Variants in TACC1 observed in about 807,000 individuals in gnomAD.
TACC1 encodes transforming acidic coiled-coil containing protein 1.
TACC1 carries 48 observed loss-of-function variants against 84.4 expected under a neutral mutation model. The ratio of observed to expected loss-of-function variants is 0.57; its 90% CI spans 0.45 to 0.72. TACC1 has a LOEUF of 0.72. TACC1 is among the 30% of genes least tolerant of loss of function. The probability of loss-of-function intolerance (pLI) is 0.00; values close to 1 mark genes in which losing one functional copy is unlikely to be tolerated. For synonymous variants in TACC1, 372 were observed against 376.3 expected, an observed-to-expected ratio of 0.99 and a Z score of 0.13; for missense variants, 920 against 973.0, an observed-to-expected ratio of 0.95 and a Z score of 0.72.
At chr8:38,810,876 G>A (rs62506670) in intron 2 of TACC1, among the ~76,000 whole-genome samples, 43,867 of 151,974 alleles carry the variant, frequency 0.29, 7,116 homozygotes, top group Non-Finnish European at 0.37. Flanking sequence ...TATCCCTCTG[G>A]GAGACTGAAG....
Position 38,819,939 on chromosome 8 carries a change from A to G in TACC1, c.695A>G (p.Lys232Arg), listed in dbSNP as rs1208002144. 1.2e-6 allele frequency: 2 copies of G among 1,614,212 alleles called. No homozygotes were observed. The highest frequency in any genetic ancestry group is 3.3e-5 in the Admixed American group (2 of 60,026). The part of the protein sequence containing the change: ...LVPSRRSKLR[K>R]PKPVPLRKKA... ...CCCAGCAGAAGAAGCAAGCTGAGAA[A>G]GCCCAAGCCTGTCCCCCTGAGGAAG... is the stretch of plus-strand genomic sequence containing the variant. Residue 232 changes from lysine to arginine, a missense_variant, in exon 3 of 13, where the codon AAG (lysine) becomes AGG (arginine). Coordinates refer to ENST00000317827, the MANE Select transcript of TACC1 (RefSeq NM_006283.3).
chr8:38,810,224 A>G (rs1286914167), intron 2 of TACC1, among the ~76,000 whole-genome samples: 1 of 152,078 alleles, frequency 6.6e-6, no homozygotes, highest in Non-Finnish European at 1.5e-5. Flanking sequence ...TATCAATAAT[A>G]TTACTCTTTT....
chr8:38,842,035 C>T (rs1273659141), intron 9 of TACC1, among the ~76,000 whole-genome samples: 17 of 152,118 alleles, frequency 1.1e-4, no homozygotes, highest in Non-Finnish European at 2.9e-5. Context: ...GGTCTATGCT[C>T]AGATCTCTCC....
chr8:38,775,599 G>A (rs1439444793), intron 3 of TACC1, among the ~76,000 whole-genome samples: 1 of 152,052 alleles, frequency 6.6e-6, no homozygotes, highest in Non-Finnish European at 1.5e-5. Flanking sequence ...TTTTATAAGG[G>A]CGCTGACCCC....
At chr8:38,842,475 G>GGTGTATTTCCAGTA in intron 10 of TACC1, 28 bp downstream of exon 10, 3 of 1,585,834 alleles carry the variant, frequency 1.9e-6, no homozygotes, top group South Asian at 2.3e-5. Flanking sequence ...TCTGTCTCCT[G>GGTGTATTTCCAGTA]GTGTATTTCC....
chr8:38,767,146 T>C (rs1388690438), intron 3 of TACC1, among the ~76,000 whole-genome samples: 2 of 152,264 alleles, frequency 1.3e-5, no homozygotes, highest in Non-Finnish European at 1.5e-5. Context: ...GTTATGTTTC[T>C]ATGGCTACAT....
At chr8:38,783,114 A>C (rs71517734), upstream of TACC1, among the ~76,000 whole-genome samples, 5,579 of 136,818 alleles carry the variant, frequency 0.041, 132 homozygotes, top group African/African-American at 0.068. Context: ...ATCTATATAT[A>C]TATATATATA....
chr8:38,788,470 A>G (rs1817848859), intron 1 of TACC1: 1 of 430,404 alleles, frequency 2.3e-6, no homozygotes, highest in African/African-American at 2.0e-5. Flanking sequence ...TGCTGGAGAA[A>G]AGCTCCAGGG....
intron 4 of TACC1, among the ~76,000 whole-genome samples, chr8:38,826,405 G>A (rs1828056640): frequency 6.6e-6 from 1 of 152,152 alleles, no homozygotes; most frequent in African/African-American, 2.4e-5. Flanking sequence ...AAAACATTTT[G>A]TAATTGATAT....
At chr8:38,729,525 A>G (rs7463038) in intron 1 of TACC1, among the ~76,000 whole-genome samples, 15,896 of 152,242 alleles carry the variant, frequency 0.1, 874 homozygotes, top group South Asian at 0.14. Context: ...CTGGGTTCAC[A>G]TTTATTGTAT....
intron 2 of TACC1, among the ~76,000 whole-genome samples, chr8:38,742,970 C>T (rs1017365195): frequency 3.9e-5 from 6 of 152,202 alleles, no homozygotes; most frequent in South Asian, 2.1e-4. Context: ...CTGTCTTGAC[C>T]TCCCAAAGTG....
chr8:38,765,852 T>A (rs10104946), intron 3 of TACC1, among the ~76,000 whole-genome samples: 5,302 of 152,124 alleles, frequency 0.035, 320 homozygotes, highest in African/African-American at 0.12. Context: ...AAATAGGACA[T>A]CTATAACTGA....
chr8:38,806,701 G>T (rs1822829438), intron 2 of TACC1, among the ~76,000 whole-genome samples: 1 of 152,138 alleles, frequency 6.6e-6, no homozygotes, highest in South Asian at 2.1e-4. Flanking sequence ...AGTAGACTGT[G>T]TTCATGTATC....
At chr8:38,751,289 A>G (rs1467733957) in intron 3 of TACC1, among the ~76,000 whole-genome samples, 1 of 152,230 alleles carries the variant, frequency 6.6e-6, no homozygotes, top group East Asian at 1.9e-4. Flanking sequence ...AAAACTGAGT[A>G]TCTTCATCTT....
rs1266411021 is a variant in TACC1, at chr8:38,819,953, C to T, written c.709C>T (p.Pro237Ser). ...RSKLRKPKPV[P>S]LRKKAIGGEF... ...CAAGCTGAGAAAGCCCAAGCCTGTC[C>T]CCCTGAGGAAGAAAGCAATTGGAGG... The change falls in exon 3 of 13, where the codon CCC (proline) becomes TCC (serine). Residue 237 changes from proline to serine, a missense_variant. By Grantham distance (74) the Pro-to-Ser change is moderately conservative (BLOSUM62 -1). Coordinates refer to ENST00000317827, the MANE Select transcript of TACC1 (RefSeq NM_006283.3). 1 of 1,614,138 alleles carries T rather than the reference C, an allele frequency of 6.2e-7. No homozygotes were observed. The highest frequency in any genetic ancestry group is 2.2e-5 in the East Asian group (1 of 44,882).
intron 7 of TACC1, among the ~76,000 whole-genome samples, chr8:38,837,899 G>C (rs1830531572): frequency 6.6e-6 from 1 of 152,204 alleles, no homozygotes. Context: ...CTAGGTTCCA[G>C]GCTAACTAGC....
Position 38,819,726 on chromosome 8 carries a change from A to T in TACC1, c.482A>T (p.Asp161Val). The change falls in exon 3 of 13, where the codon GAT (aspartate) becomes GTT (valine). Residue 161 changes from aspartate to valine, a missense_variant. Physicochemically the swap from Asp to Val is radical, Grantham distance 152. Coordinates refer to ENST00000317827, the MANE Select transcript of TACC1 (RefSeq NM_006283.3). ...TCAATAGAAACGAAGGATTCCACGG[A>T]TATCTCGGCAGTCCTCGGAACAAAA... Reference protein sequence around the residue: ...PFSIETKDSTDISAVLGTKAA... With the variant: ...PFSIETKDSTVISAVLGTKAA... 5 of 1,614,170 alleles carry T rather than the reference A, an allele frequency of 3.1e-6. No homozygotes were observed. Among genetic ancestry groups the T allele is most frequent in the Non-Finnish European group, 4.2e-6 (5 of 1,180,042 alleles).
intron 3 of TACC1, among the ~76,000 whole-genome samples, chr8:38,765,032 G>A (rs1563330634): frequency 6.6e-6 from 1 of 151,688 alleles, no homozygotes; most frequent in Admixed American, 6.6e-5. Context: ...CGGGGGGATG[G>A]AGGTTGCAGT....
At chr8:38,802,098 G>A (rs1376323224) in intron 2 of TACC1, 1 of 152,328 alleles carries the variant, frequency 6.6e-6, no homozygotes. Flanking sequence ...TTTGTAGAGA[G>A]AGGGTTTCCC....
Sources: allele counts gnomAD v4.1 joint callset (sites outside exome capture counted in the v4.1 genomes callset), GRCh38; gene constraint gnomAD v4.1.1; transcripts MANE v1.5; gene names NCBI Gene and HGNC (gene_info 2026-07-23, HGNC 2026-07-21).